NIBAN2: variants seen among roughly 807,000 people sequenced by gnomAD.
NIBAN2 encodes niban apoptosis regulator 2.
A neutral mutation model predicts 81.8 loss-of-function variants in NIBAN2; 36 were observed. That is an observed-to-expected ratio of 0.44 (90% CI 0.34 to 0.58). NIBAN2 has a LOEUF of 0.58. Ranked by LOEUF, NIBAN2 falls within the 20% of genes least tolerant of loss-of-function variation. NIBAN2 has a pLI of 0.02. For synonymous variants in NIBAN2, 445 were observed against 441.6 expected (o/e 1.01, Z -0.10); for missense variants, 897 against 1,014.1 (o/e 0.88, Z 1.57).
intron 1 of NIBAN2, among the ~76,000 whole-genome samples, chr9:127,558,177 G>A (rs571606671): frequency 3.3e-5 from 5 of 152,190 alleles, no homozygotes; most frequent in South Asian, 2.1e-4. Context: ...CTGTCTCCTC[G>A]GACACAGGCC....
chr9:127,518,911 T>C (rs2806716), intron 5 of NIBAN2, among the ~76,000 whole-genome samples: 109,933 of 152,094 alleles, frequency 0.72, 40,178 homozygotes, highest in Middle Eastern at 0.79. Flanking sequence ...TGGTGGCTCA[T>C]GCCTGCAATC....
At chr9:127,556,234 C>T (rs1036949774) in intron 1 of NIBAN2, among the ~76,000 whole-genome samples, 15 of 152,224 alleles carry the variant, frequency 9.9e-5, no homozygotes, top group African/African-American at 3.6e-4. Flanking sequence ...TTGTGGATGG[C>T]CACATGGCTT....
Position 127,576,805 on chromosome 9 carries a change from G to T in NIBAN2, c.16+2117C>A, listed in dbSNP as rs562664173. ...TGTCACCAGGCTGGAGTGTAGTGGC[G>T]CCATCTCAGCTTACTGCAACCTCAG... On this transcript the variant is annotated intron_variant, in intron 1 of 13. Transcript: ENST00000373314. Among the ~76,000 whole-genome samples, 42 of 150,460 alleles carry T rather than the reference G, an allele frequency of 2.8e-4. No homozygotes were observed. In the South Asian group the frequency reaches 8.6e-3, roughly 31 times the overall value.
chr9:127,559,371 G>A lies in NIBAN2; in HGVS notation c.55+9449C>T, dbSNP rs1293942231. Reference sequence around the variant, plus strand: ...TAAGGGGTCACAGCTGGAAGTGCATGCCCGTTGCACAGATAGGCAAAGTGA... The same window carrying A: ...TAAGGGGTCACAGCTGGAAGTGCATACCCGTTGCACAGATAGGCAAAGTGA... On this transcript the variant is annotated intron_variant, in intron 1 of 13. Coordinates refer to ENST00000373312, the MANE Select transcript of NIBAN2 (RefSeq NM_022833.4). This position sits in a 1 kb window ranked among gnomAD's most constrained non-coding sequence, Gnocchi z 4.0. Among the ~76,000 whole-genome samples, 2 of 152,218 alleles carry A rather than the reference G, an allele frequency of 1.3e-5. No homozygotes were observed. Among genetic ancestry groups the A allele is most frequent in the Admixed American group, 6.5e-5 (1 of 15,278 alleles).
chr9:127,536,115 C>T lies in NIBAN2; in HGVS notation c.56-4337G>A, dbSNP rs1040136516. Among the ~76,000 whole-genome samples the T allele has an allele frequency of 2.0e-5, 3 of 152,150 alleles. No homozygotes were observed. Among genetic ancestry groups the T allele is most frequent in the Non-Finnish European group, 4.4e-5 (3 of 68,028 alleles). On this transcript the variant is annotated intron_variant, in intron 1 of 13. Transcript: ENST00000373312. This position sits in a 1 kb window ranked among gnomAD's most constrained non-coding sequence, Gnocchi z 4.0. ...GCTCCTTGGCAGGGGTAGCCCCGAGCACATTCTTGAGAGATGTCCTCAGCC... is the reference window on the plus strand; with the variant it reads ...GCTCCTTGGCAGGGGTAGCCCCGAGTACATTCTTGAGAGATGTCCTCAGCC...
intron 1 of NIBAN2, among the ~76,000 whole-genome samples, chr9:127,575,230 C>CTTTT (rs11309796): frequency 4.8e-4 from 59 of 122,540 alleles, no homozygotes; most frequent in African/African-American, 1.8e-3. Context: ...AATATGGATT[C>CTTTT]TTTTTTTTTT....
Position 127,507,523 on chromosome 9 carries a change from C to T in NIBAN2, c.1655-92G>A, listed in dbSNP as rs908061374. ...TGCTCAAAGAAGACCCGTCTCATCCCGCCTTGGGGGTCTGTGGTTGGGATG... is the reference window on the plus strand; with the variant it reads ...TGCTCAAAGAAGACCCGTCTCATCCTGCCTTGGGGGTCTGTGGTTGGGATG... On this transcript the variant is annotated intron_variant, in intron 13 of 13. Transcript: ENST00000373312. The surrounding 1 kb of genome is among the most constrained non-coding windows in gnomAD (Gnocchi z 6.8). 41 of 1,145,104 alleles carry T rather than the reference C, an allele frequency of 3.6e-5. No homozygotes were observed. Among genetic ancestry groups the T allele is most frequent in the African/African-American group, 4.7e-5 (3 of 63,856 alleles). 70.9% of individuals were successfully genotyped at this position (1,145,104 alleles called of 1,614,324 possible). A position where few individuals can be genotyped will look rare whatever the true frequency, so the allele number is the denominator to read the frequency against.
intron 2 of NIBAN2, among the ~76,000 whole-genome samples, chr9:127,529,605 A>G (rs777118362): frequency 1.3e-5 from 2 of 152,192 alleles, no homozygotes; most frequent in Non-Finnish European, 2.9e-5. Context: ...GTGCCACTGC[A>G]CTCCAGCCTG....
At chr9:127,552,693 T>TTG (rs1554768664) in intron 1 of NIBAN2, among the ~76,000 whole-genome samples, 32 of 141,212 alleles carry the variant, frequency 2.3e-4, no homozygotes, top group African/African-American at 6.9e-4. Flanking sequence ...CGTTTTTTTT[T>TTG]TTTTTTTTTT....
At chr9:127,534,706 T>TG (rs916333602) in intron 1 of NIBAN2, among the ~76,000 whole-genome samples, 144 of 152,150 alleles carry the variant, frequency 9.5e-4, no homozygotes, top group African/African-American at 3.2e-3. Flanking sequence ...GATTCCAGTT[T>TG]GGGGGGAGGA....
intron 1 of NIBAN2, among the ~76,000 whole-genome samples, chr9:127,548,903 G>A (rs1046925223): frequency 6.6e-6 from 1 of 152,196 alleles, no homozygotes; most frequent in African/African-American, 2.4e-5. Flanking sequence ...AGACACACAA[G>A]ATCCCAGCAA....
chr9:127,534,097 C>A (rs10987675), intron 1 of NIBAN2, among the ~76,000 whole-genome samples: 3 of 152,166 alleles, frequency 2.0e-5, no homozygotes, highest in Non-Finnish European at 4.4e-5. Flanking sequence ...CTGCAGCTCG[C>A]GTCCCAACTG....
At chr9:127,575,443 G>A (rs1370678322) in intron 1 of NIBAN2, among the ~76,000 whole-genome samples, 1 of 150,830 alleles carries the variant, frequency 6.6e-6, no homozygotes, top group African/African-American at 2.4e-5. Context: ...GGCCAGGATG[G>A]TCTTGAACTC....
At chr9:127,510,117 C>A in intron 9 of NIBAN2, 29 bp downstream of exon 9, 1 of 1,582,876 alleles carries the variant, frequency 6.3e-7, no homozygotes, top group Non-Finnish European at 8.6e-7. Flanking sequence ...TCTCAGGAGA[C>A]CCCCTCCTAG....
At chr9:127,528,467 C>A (rs936915896) in intron 2 of NIBAN2, among the ~76,000 whole-genome samples, 4 of 152,146 alleles carry the variant, frequency 2.6e-5, no homozygotes, top group Non-Finnish European at 5.9e-5. Flanking sequence ...TGCCATCATG[C>A]CTGCACCTTC....
In NIBAN2 at chr9:127,517,806, ACCAG is replaced by A; in HGVS notation, c.705+16_705+19del. ...CTTGGGTGACTTCTGAGGTTTCCTC[ACCAG>A]CCCGTCTGGCCTCACCTGCACCTCG... is the stretch of plus-strand genomic sequence containing the variant. On this transcript the variant is annotated intron_variant, in intron 6 of 13. Coordinates refer to ENST00000373312, the MANE Select transcript of NIBAN2 (RefSeq NM_022833.4). This position sits in a 1 kb window ranked among gnomAD's most constrained non-coding sequence, Gnocchi z 4.0. 9 of 1,596,734 alleles carry A rather than the reference ACCAG, an allele frequency of 5.6e-6. No homozygotes were observed. The highest frequency in any genetic ancestry group is 6.9e-6 in the Non-Finnish European group (8 of 1,166,102).
In NIBAN2 at chr9:127,508,664, C is replaced by T. The variant is rs908395367; in HGVS notation, c.1318-126G>A. The T allele has an allele frequency of 2.4e-5, 20 of 825,464 alleles. No individual in the cohort carries two copies. The highest frequency in any genetic ancestry group is 1.3e-4 in the South Asian group (9 of 68,200). The allele number at this position is 825,464 out of a possible 1,614,324, so 51.1% of individuals were successfully genotyped here. ...AGGCCTGCCAGGGAGGAATGGCAAG[C>T]GGTCTATGCCCACTCACAGCTCTGC... On this transcript the variant is annotated intron_variant, in intron 10 of 13. Coordinates refer to ENST00000373312, the MANE Select transcript of NIBAN2 (RefSeq NM_022833.4). This position sits in a 1 kb window ranked among gnomAD's most constrained non-coding sequence, Gnocchi z 6.4.
intron 3 of NIBAN2, among the ~76,000 whole-genome samples, chr9:127,525,601 A>G (rs979659774): frequency 6.6e-6 from 1 of 152,222 alleles, no homozygotes; most frequent in Admixed American, 6.5e-5. Flanking sequence ...ACAAGGACTC[A>G]GCGAGCTTGG....
chr9:127,553,877 G>C (rs1258500666), intron 1 of NIBAN2, among the ~76,000 whole-genome samples: 1 of 152,096 alleles, frequency 6.6e-6, no homozygotes, highest in Non-Finnish European at 1.5e-5. Flanking sequence ...CACCATGCCT[G>C]GCTAATTTTT....
Sources: gnomAD v4.1 joint callset for allele counts (sites outside exome capture counted in the v4.1 genomes callset) on GRCh38, gnomAD v4.1.1 for gene constraint, Gnocchi (gnomAD v3.1) non-coding constraint, MANE v1.5 for transcripts, NCBI Gene and HGNC (gene_info 2026-07-23, HGNC 2026-07-21) for gene names.